ATG10: variants seen among roughly 807,000 people sequenced by gnomAD.
The protein encoded by ATG10 is ubiquitin-like-conjugating enzyme ATG10.
ATG10 carries 30 observed loss-of-function variants against 32.1 expected under a neutral mutation model. The ratio of observed to expected loss-of-function variants is 0.94; its 90% CI spans 0.70 to 1.27. ATG10 has a LOEUF of 1.27. Among genes scored for constraint, ATG10 ranks in the 50% most tolerant of loss-of-function variants. The probability of loss-of-function intolerance (pLI) is 0.00; values close to 1 mark genes in which losing one functional copy is unlikely to be tolerated. For missense variants in ATG10, 233 were observed against 262.3 expected, an observed-to-expected ratio of 0.89 and a Z score of 0.77; for synonymous variants, 87 against 91.5, an observed-to-expected ratio of 0.95 and a Z score of 0.28.
chr5:82,122,396 A>C (rs925598087), intron 3 of ATG10, among the ~76,000 whole-genome samples: 12 of 152,154 alleles, frequency 7.9e-5, no homozygotes, highest in Admixed American at 7.2e-4. Flanking sequence ...GTGAAACCCA[A>C]AGCTATAAAA....
intron 3 of ATG10, chr5:82,073,181 A>G (rs1218374950): frequency 6.6e-6 from 1 of 152,232 alleles, no homozygotes; most frequent in Non-Finnish European, 1.5e-5. Context: ...ATTAAGACCT[A>G]GAACACTCCA....
At chr5:81,988,783 A>G (rs566835993) in intron 2 of ATG10, among the ~76,000 whole-genome samples, 2 of 152,148 alleles carry the variant, frequency 1.3e-5, no homozygotes, top group East Asian at 1.9e-4. Flanking sequence ...TAAAAGGCCT[A>G]TGTACTTATT....
intron 3 of ATG10, among the ~76,000 whole-genome samples, chr5:82,157,825 C>A (rs1767866120): frequency 6.6e-6 from 1 of 152,168 alleles, no homozygotes; most frequent in Admixed American, 6.5e-5. Flanking sequence ...TGTGGACTGT[C>A]TTTGAACCAG....
At chr5:82,024,311 G>A (rs1427660909) in intron 2 of ATG10, among the ~76,000 whole-genome samples, 1 of 152,196 alleles carries the variant, frequency 6.6e-6, no homozygotes, top group Non-Finnish European at 1.5e-5. Flanking sequence ...TATTTGGGTT[G>A]GGATGAGAGA....
chr5:82,215,733 C>T (rs1013691449), intron 5 of ATG10, among the ~76,000 whole-genome samples: 30 of 151,926 alleles, frequency 2.0e-4, no homozygotes, highest in Non-Finnish European at 2.8e-4. Flanking sequence ...GTCGGGAGTT[C>T]GAGACCAGCC....
chr5:82,075,404 G>A (rs1764243717), intron 3 of ATG10, among the ~76,000 whole-genome samples: 1 of 152,046 alleles, frequency 6.6e-6, no homozygotes, highest in Non-Finnish European at 1.5e-5. Flanking sequence ...GGGTTAAAAT[G>A]TTTTCAATAT....
intron 3 of ATG10, chr5:82,147,962 A>C (rs1767433647): frequency 6.6e-6 from 1 of 152,214 alleles, no homozygotes. Flanking sequence ...CAAAGCCTCA[A>C]ATAGGTTTTC....
intron 3 of ATG10, among the ~76,000 whole-genome samples, chr5:82,077,341 C>T (rs1299916603): frequency 2.0e-5 from 3 of 151,848 alleles, no homozygotes; most frequent in Admixed American, 2.0e-4. Context: ...AAAAACTTCA[C>T]TGAAAAACAA....
intron 3 of ATG10, among the ~76,000 whole-genome samples, chr5:82,139,857 C>T (rs1338546299): frequency 2.9e-5 from 4 of 137,022 alleles, no homozygotes; most frequent in Non-Finnish European, 3.2e-5. Context: ...TCAGCCCCCC[C>T]ACCCGGCCAG....
At chr5:82,220,218 G>A (rs1398001026) in intron 5 of ATG10, among the ~76,000 whole-genome samples, 1 of 152,104 alleles carries the variant, frequency 6.6e-6, no homozygotes, top group African/African-American at 2.4e-5. Context: ...CTGGTGGCTG[G>A]GAGCATGGCA....
chr5:82,252,157 A>C (rs1341579456), intron 5 of ATG10, among the ~76,000 whole-genome samples: 8 of 152,222 alleles, frequency 5.3e-5, no homozygotes, highest in Non-Finnish European at 1.2e-4. Context: ...TGAGTCTCTT[A>C]CCATTGACAA....
chr5:82,222,691 G>A (rs1381816236), intron 5 of ATG10, among the ~76,000 whole-genome samples: 1 of 152,152 alleles, frequency 6.6e-6, no homozygotes, highest in Non-Finnish European at 1.5e-5. Context: ...TAGTTTTATG[G>A]AAATTTGCTG....
chr5:82,056,764 A>G (rs1763616480), intron 2 of ATG10, among the ~76,000 whole-genome samples: 1 of 152,206 alleles, frequency 6.6e-6, no homozygotes, highest in East Asian at 1.9e-4. Context: ...CTCAATCAGG[A>G]GAATTGAGGA....
At chr5:82,230,600 G>T (rs1746323704) in intron 5 of ATG10, among the ~76,000 whole-genome samples, 1 of 151,796 alleles carries the variant, frequency 6.6e-6, no homozygotes, top group Non-Finnish European at 1.5e-5. Context: ...AGGTGTGGTG[G>T]CACGCTCCTG....
intron 4 of ATG10, among the ~76,000 whole-genome samples, chr5:82,165,894 A>AGAAATT (rs1463440021): frequency 6.6e-6 from 1 of 152,188 alleles, no homozygotes; most frequent in Non-Finnish European, 1.5e-5. Flanking sequence ...AGAGGAAATA[A>AGAAATT]GACATTACTT....
intron 5 of ATG10, chr5:82,242,695 A>C: frequency 1.2e-5 from 4 of 340,138 alleles, no homozygotes; most frequent in Non-Finnish European, 2.3e-5. Context: ...AAGTGCTAAA[A>C]AAAATCATTG....
rs1289494587 is a variant in ATG10 at position 82,028,495 on chromosome 5, T to G, written c.109-30000T>G. On this transcript the variant is annotated intron_variant, in intron 2 of 7. Coordinates refer to ENST00000282185, the MANE Select transcript of ATG10 (RefSeq NM_031482.5). ...TCAAGGGTATTGTGAAGACATTGAA[T>G]AGGATTCAAATAATTCAATGTTTTA... Among the ~76,000 whole-genome samples the G allele has an allele frequency of 4.6e-5, 7 of 152,302 alleles. No individual in the cohort carries two copies. The East Asian group carries it at 1.3e-3, about 29-fold the overall frequency.
At chr5:82,117,179 T>C (rs985604585) in intron 3 of ATG10, among the ~76,000 whole-genome samples, 1 of 152,010 alleles carries the variant, frequency 6.6e-6, no homozygotes, top group African/African-American at 2.4e-5. Flanking sequence ...TAAACAGACA[T>C]GGAAGTAATT....
At chr5:82,198,549 C>T (rs1744947106) in intron 5 of ATG10, among the ~76,000 whole-genome samples, 1 of 152,164 alleles carries the variant, frequency 6.6e-6, no homozygotes, top group Non-Finnish European at 1.5e-5. Context: ...TGTGAGGCAC[C>T]AAGGCAGCCA....
Sources: allele counts gnomAD v4.1 joint callset (sites outside exome capture counted in the v4.1 genomes callset), GRCh38; gene constraint gnomAD v4.1.1; transcripts MANE v1.5; gene names NCBI Gene and HGNC (gene_info 2026-07-23, HGNC 2026-07-21).